The following RNF213 variants were observed in gnomAD, a reference collection of about 807,000 sequenced individuals.
RNF213 encodes E3 ubiquitin-protein ligase RNF213.
RNF213 carries 341 observed loss-of-function variants against 514.4 expected under a neutral mutation model. The ratio of observed to expected loss-of-function variants is 0.66; its 90% CI spans 0.61 to 0.73. RNF213 has a LOEUF of 0.73. Among genes scored for constraint, RNF213 ranks in the 30% least tolerant of loss-of-function variants. The probability of loss-of-function intolerance (pLI) is 0.00; values close to 1 mark genes in which losing one functional copy is unlikely to be tolerated. For missense variants in RNF213, 5,767 were observed against 6,615.6 expected (o/e 0.87, Z 4.45); for synonymous variants, 2,655 against 2,658.2 (o/e 1.00, Z 0.04).
intron 3 of RNF213, among the ~76,000 whole-genome samples, chr17:80,277,378 A>C (rs1292147503): frequency 6.6e-6 from 1 of 151,964 alleles, no homozygotes; most frequent in African/African-American, 2.4e-5. Flanking sequence ...CGGGTGGATC[A>C]CTTGAGGTCA....
chr17:80,331,099 G>C (rs1333678880), intron 20 of RNF213, among the ~76,000 whole-genome samples: 1 of 152,082 alleles, frequency 6.6e-6, no homozygotes, highest in Admixed American at 6.6e-5. Context: ...GATTACGGGC[G>C]TGAGCCACTG....
At chr17:80,291,548 A>G in intron 7 of RNF213, 80 bp from the exon 8 acceptor site, 1 of 1,374,498 alleles carries the variant, frequency 7.3e-7, no homozygotes, top group Non-Finnish European at 1.0e-6. Flanking sequence ...ATAGCTTTGC[A>G]CTCCATGCTA....
At chr17:80,360,653 C>G (rs1044447953) in intron 38 of RNF213, among the ~76,000 whole-genome samples, 1 of 152,202 alleles carries the variant, frequency 6.6e-6, no homozygotes, top group African/African-American at 2.4e-5. Context: ...GGTGCCCCAT[C>G]AGGAGGCACC....
At chr17:80,276,919 T>C (rs1321867319) in intron 3 of RNF213, among the ~76,000 whole-genome samples, 4 of 150,922 alleles carry the variant, frequency 2.7e-5, no homozygotes, top group Non-Finnish European at 5.9e-5. Flanking sequence ...TAGCTGGGCG[T>C]GGTGGCGTAT....
chr17:80,393,271 C>T lies in RNF213; in HGVS notation c.15471-74C>T, dbSNP rs2080556571. On this transcript the variant is annotated intron_variant, in intron 67 of 67. Transcript: ENST00000582970. ...GCTGGGCTTACACACGTGAGCCACA[C>T]AGTGCTGGGCTTACACACGTGAGCC... 2.4e-6 allele frequency: 3 copies of T among 1,242,806 alleles called. No homozygotes were observed. In the South Asian group the frequency reaches 3.5e-5, roughly 15 times the overall value. 77.0% of individuals were successfully genotyped at this position (1,242,806 alleles called of 1,614,324 possible). A position where few individuals can be genotyped will look rare whatever the true frequency, so the allele number is the denominator to read the frequency against.
chr17:80,310,104 C>G (rs1169084658), intron 14 of RNF213, among the ~76,000 whole-genome samples: 1 of 152,054 alleles, frequency 6.6e-6, no homozygotes, highest in Non-Finnish European at 1.5e-5. Context: ...CTGCCTCCGA[C>G]TTTCCCCACT....
chr17:80,361,430 G>C (rs529544872), intron 38 of RNF213, among the ~76,000 whole-genome samples: 1 of 152,288 alleles, frequency 6.6e-6, no homozygotes, highest in Non-Finnish European at 1.5e-5. Flanking sequence ...TGAGGCAGGA[G>C]AATCACTTGA....
chr17:80,277,628 C>CACATA, intron 3 of RNF213, among the ~76,000 whole-genome samples: 1 of 145,028 alleles, frequency 6.9e-6, no homozygotes, highest in South Asian at 2.1e-4. Context: ...GCCTAAATAT[C>CACATA]CACATATCCA....
At position 80,288,907 on chromosome 17, in the gene RNF213, G is replaced by C. The variant is rs952165124; in HGVS notation, c.933+152G>C. ...GCCTTCGGGGTGCTCACATTCCAGC[G>C]GAGAGAGAGTCAGGAAACCGACTTC... On this transcript the variant is annotated intron_variant, in intron 5 of 67. Transcript: ENST00000582970. This position sits in a 1 kb window ranked among gnomAD's most constrained non-coding sequence, Gnocchi z 4.9. 72 of 1,386,728 alleles carry C rather than the reference G, an allele frequency of 5.2e-5. No individual in the cohort carries two copies. The highest frequency in any genetic ancestry group is 7.1e-5 in the Non-Finnish European group (72 of 1,007,652). The allele number at this position is 1,386,728 out of a possible 1,614,324, so 85.9% of individuals were successfully genotyped here. A position where few individuals can be genotyped will look rare whatever the true frequency, so the allele number is the denominator to read the frequency against.
At chr17:80,304,847 C>T (rs971781603) in intron 11 of RNF213, among the ~76,000 whole-genome samples, 2 of 152,106 alleles carry the variant, frequency 1.3e-5, no homozygotes, top group African/African-American at 4.8e-5. Context: ...AGCTGAAACT[C>T]CATCCCCATG....
chr17:80,298,700 C>G (rs1435046050), intron 11 of RNF213, 182 bp downstream of exon 11: 1 of 679,646 alleles, frequency 1.5e-6, no homozygotes, highest in African/African-American at 1.8e-5. Flanking sequence ...CACAGTGGCT[C>G]ACGCCTGTAA....
At chr17:80,307,949 T>C (rs2045430480) in intron 13 of RNF213, among the ~76,000 whole-genome samples, 1 of 152,086 alleles carries the variant, frequency 6.6e-6, no homozygotes, top group Non-Finnish European at 1.5e-5. Flanking sequence ...TATACATTTT[T>C]CCCTTACTTG....
At chr17:80,296,554 G>C (rs1165884859) in intron 10 of RNF213, among the ~76,000 whole-genome samples, 7 of 152,070 alleles carry the variant, frequency 4.6e-5, no homozygotes, top group Non-Finnish European at 2.9e-5. Context: ...CTTTGACTTG[G>C]TACCTGCTCA....
At chr17:80,388,534 T>C (rs2080331747) in intron 63 of RNF213, 78 bp from the exon 64 acceptor site, 2 of 997,122 alleles carry the variant, frequency 2.0e-6, no homozygotes. Context: ...GTTTTCCGGC[T>C]GCAGATTCTG....
Position 80,346,666 on chromosome 17 carries a change from C to T in RNF213, c.8331C>T (p.Leu2777=), listed in dbSNP as rs139701145. 1.9e-5 allele frequency: 31 copies of T among 1,611,648 alleles called. 1 individual carries two copies. The highest frequency in any genetic ancestry group is 3.3e-5 in the Admixed American group (2 of 60,024). Residue 2777 remains leucine (L), a synonymous_variant, in exon 29 of 68, where the codon CTC becomes CTT. Transcript: ENST00000582970. This position sits in a 1 kb window ranked among gnomAD's most constrained non-coding sequence, Gnocchi z 8.1. The part of the protein sequence containing the change: ...LVGKPGSSKS[L]AKTIVADAMQ... ...GGAAGCCCGGCAGCTCCAAGTCTCT[C>T]GCCAAGACCATCGTGGCAGACGCCA...
rs1266386707 is a variant in RNF213 at position 80,380,892 on chromosome 17, G to A, written c.13702G>A (p.Val4568Met). 5 of 1,614,072 alleles carry A rather than the reference G, an allele frequency of 3.1e-6. No homozygotes were observed. Among genetic ancestry groups the A allele is most frequent in the African/African-American group, 2.7e-5 (2 of 74,934 alleles). Reference protein sequence around the residue: ...VLGNPQRRDVVTCDRGLPPVV... With the variant: ...VLGNPQRRDVMTCDRGLPPVV... ...GGGCAACCCGCAGCGGAGAGACGTG[G>A]TGACATGTGACCGAGGGCTGCCCCC... Residue 4568 changes from valine to methionine, a missense_variant, in exon 56 of 68, where the codon GTG becomes ATG. By Grantham distance (21) the Val-to-Met change is conservative (BLOSUM62 1). Transcript: ENST00000582970.
intron 2 of RNF213, among the ~76,000 whole-genome samples, chr17:80,265,548 C>T (rs2043585136): frequency 6.6e-6 from 1 of 152,092 alleles, no homozygotes; most frequent in Non-Finnish European, 1.5e-5. Flanking sequence ...GCTGGTTGCC[C>T]CCAGCGTCAC....
At chr17:80,289,866 G>T in intron 6 of RNF213, 29 bp downstream of exon 6, 2 of 1,591,042 alleles carry the variant, frequency 1.3e-6, no homozygotes, top group African/African-American at 1.3e-5. Context: ...GGGAGCAAAG[G>T]AGACCCTGCC....
At chr17:80,270,071 G>A (rs560702280) in intron 2 of RNF213, among the ~76,000 whole-genome samples, 2 of 152,342 alleles carry the variant, frequency 1.3e-5, no homozygotes, top group South Asian at 4.1e-4. Flanking sequence ...GTAAACTGGT[G>A]TGTCCTCTTC....
Sources: allele counts gnomAD v4.1 joint callset (sites outside exome capture counted in the v4.1 genomes callset), GRCh38; gene constraint gnomAD v4.1.1; non-coding constraint Gnocchi (gnomAD v3.1); transcripts MANE v1.5; gene names NCBI Gene and HGNC (gene_info 2026-07-23, HGNC 2026-07-21).